SUPT16H: variants seen among roughly 807,000 people sequenced by gnomAD.
SUPT16H encodes FACT complex subunit SPT16.
SUPT16H carries 24 observed loss-of-function variants against 136.2 expected under a neutral mutation model. That is an observed-to-expected ratio of 0.18 (90% CI 0.13 to 0.25). The LOEUF is 0.25. Ranked by LOEUF, SUPT16H falls within the 10% of genes least tolerant of loss-of-function variation. The pLI is 1.00. For synonymous variants in SUPT16H, 415 were observed against 428.2 expected (o/e 0.97, Z 0.38); for missense variants, 623 against 1,270.2 (o/e 0.49, Z 7.74).
Position 21,373,396 on chromosome 14 carries a change from A to G in SUPT16H, c.101T>C (p.Ile34Thr). The G allele has an allele frequency of 6.2e-7, 1 of 1,614,134 alleles. No individual in the cohort carries two copies. Among genetic ancestry groups the G allele is most frequent in the Non-Finnish European group, 8.5e-7 (1 of 1,179,970 alleles). Residue 34 changes from isoleucine (I) to threonine (T), a missense_variant, in exon 2 of 26, where the codon ATT becomes ACT. By Grantham distance (89) the Ile-to-Thr change is moderately conservative (BLOSUM62 -1). This residue lies in a region of SUPT16H where 343 missense variants were observed against 525.7 expected (regional missense o/e 0.65). Coordinates refer to ENST00000216297, the MANE Select transcript of SUPT16H (RefSeq NM_007192.4). Reference protein sequence around the residue: ...GEDEYANVDAIVVSVGVDEEI... With the variant: ...GEDEYANVDATVVSVGVDEEI... ...TTCATCAACACCCACTGATACAACA[A>G]TGGCATCAACGTTGGCATACTCATC...
intron 1 of SUPT16H, among the ~76,000 whole-genome samples, chr14:21,382,726 TA>T (rs531101068): frequency 9.2e-5 from 14 of 152,100 alleles, no homozygotes; most frequent in Admixed American, 2.0e-4. Flanking sequence ...ATCAAAAAAT[TA>T]AAAAAAATAA....
chr14:21,368,170 CG>C, intron 7 of SUPT16H, 98 bp downstream of exon 7: 1 of 1,251,886 alleles, frequency 8.0e-7, no homozygotes, highest in Non-Finnish European at 1.1e-6. Flanking sequence ...CCTCCTGCCT[CG>C]GCCTCCCAGT....
chr14:21,361,231 C>T lies in SUPT16H; in HGVS notation c.1794-18G>A. ...GGTATGTACTGCAGAAAAGCAACAG[C>T]ATTTATAGACATTTCTTTTTCAGGC... On this transcript the variant is annotated intron_variant, in intron 15 of 25. Transcript: ENST00000216297. 2 of 1,603,380 alleles carry T rather than the reference C, an allele frequency of 1.2e-6. No individual in the cohort carries two copies. The highest frequency in any genetic ancestry group is 1.7e-6 in the Non-Finnish European group (2 of 1,174,258).
At chr14:21,365,949 A>G (rs1886657256) in intron 8 of SUPT16H, among the ~76,000 whole-genome samples, 1 of 152,136 alleles carries the variant, frequency 6.6e-6, no homozygotes. Flanking sequence ...CAAAAAATAA[A>G]AAAATGAGCT....
At chr14:21,355,222 C>T (rs893494784) in intron 22 of SUPT16H, among the ~76,000 whole-genome samples, 14 of 152,032 alleles carry the variant, frequency 9.2e-5, no homozygotes, top group African/African-American at 2.9e-4. Context: ...CAGCCGGGTG[C>T]GGTGGCTCAC....
intron 1 of SUPT16H, 109 bp from the exon 2 acceptor site, chr14:21,373,539 A>G: frequency 1.2e-6 from 1 of 858,302 alleles, no homozygotes; most frequent in Non-Finnish European, 2.0e-6. Flanking sequence ...AGAAATTTCA[A>G]GTTTAAGGTA....
At chr14:21,378,018 C>A (rs1284854747) in intron 1 of SUPT16H, among the ~76,000 whole-genome samples, 3 of 152,100 alleles carry the variant, frequency 2.0e-5, no homozygotes, top group Non-Finnish European at 4.4e-5. Flanking sequence ...ATTGCAAAGT[C>A]CCGAGGTTCA....
chr14:21,368,440 C>A lies in SUPT16H; in HGVS notation c.784G>T (p.Asp262Tyr). The A allele has an allele frequency of 6.3e-7, 1 of 1,590,992 alleles. No homozygotes were observed. Among genetic ancestry groups the A allele is most frequent in the South Asian group, 1.1e-5 (1 of 87,298 alleles). Residue 262 changes from aspartate (D) to tyrosine (Y), a missense_variant and splice_region_variant, in exon 7 of 26, where the codon GAC becomes TAC. Physicochemically the swap from Asp to Tyr is radical, Grantham distance 160 (BLOSUM62 -3). This residue lies in a region of SUPT16H where 343 missense variants were observed against 525.7 expected (regional missense o/e 0.65). Transcript: ENST00000216297. ...GCCCCAAAGTGCATATGATTCTTGT[C>A]ACTAGAGACCAACAAAGAAAGAAAA... The part of the protein sequence containing the change: ...NYNLKFSVVS[D>Y]KNHMHFGAIT...
chr14:21,365,009 A>T, intron 9 of SUPT16H, 61 bp downstream of exon 9: 1 of 1,607,806 alleles, frequency 6.2e-7, no homozygotes, highest in East Asian at 2.2e-5. Flanking sequence ...TATGCCTAAA[A>T]GAAAATAAAG....
intron 22 of SUPT16H, among the ~76,000 whole-genome samples, chr14:21,356,222 CTT>C (rs1886430322): frequency 8.1e-6 from 1 of 124,174 alleles, no homozygotes; most frequent in Non-Finnish European, 1.8e-5. Flanking sequence ...CCCCTCAAGT[CTT>C]TGGTGGAGGG....
At chr14:21,358,199 A>G (rs1886475913) in intron 20 of SUPT16H, 116 bp downstream of exon 20, 2 of 827,044 alleles carry the variant, frequency 2.4e-6, no homozygotes, top group East Asian at 2.7e-5. Context: ...TGTCTCAAAG[A>G]TTATTAGTCA....
chr14:21,362,967 C>A lies in SUPT16H; in HGVS notation c.1512-20G>T. On this transcript the variant is annotated intron_variant, in intron 13 of 25. Coordinates refer to ENST00000216297, the MANE Select transcript of SUPT16H (RefSeq NM_007192.4). Reference sequence around the variant, plus strand: ...CGAGCTCTGGAGTGGGATAAAAAAACAACTGAGAAATTTCTGCAGTCCCAC... The same window carrying A: ...CGAGCTCTGGAGTGGGATAAAAAAAAAACTGAGAAATTTCTGCAGTCCCAC... 6.2e-7 allele frequency: 1 copy of A among 1,613,100 alleles called. No homozygotes were observed. The highest frequency in any genetic ancestry group is 1.7e-4 in the Middle Eastern group (1 of 6,060).
chr14:21,353,642 T>C (rs1437124689), intron 24 of SUPT16H, 61 bp downstream of exon 24: 2 of 1,603,286 alleles, frequency 1.2e-6, no homozygotes, highest in African/African-American at 1.3e-5. Context: ...CTAAAAAAAG[T>C]AGTTTTCAGA....
chr14:21,372,004 A>C lies in SUPT16H; in HGVS notation c.200T>G (p.Val67Gly). The C allele has an allele frequency of 6.2e-7, 1 of 1,614,060 alleles. No individual in the cohort carries two copies. Among genetic ancestry groups the C allele is most frequent in the Non-Finnish European group, 8.5e-7 (1 of 1,180,014 alleles). Reference protein sequence around the residue: ...FGYELTDTIMVFCDDKIIFMA... With the variant: ...FGYELTDTIMGFCDDKIIFMA... ...AAAGATGATTTTGTCATCACAAAAG[A>C]CCATGATAGTATCAGTTAGTTCATA... The change falls in exon 3 of 26, where the codon GTC (valine) becomes GGC (glycine). Residue 67 changes from valine to glycine, a missense_variant. Coordinates refer to ENST00000216297, the MANE Select transcript of SUPT16H (RefSeq NM_007192.4).
rs756854919 is a variant in SUPT16H at position 21,353,864 on chromosome 14, T to G, written c.2791-32A>C. ...AGTTAGAGCATAATACTGATTTTTT[T>G]TTGACATTTACCTTATTAACTTAAT... is the stretch of plus-strand genomic sequence containing the variant. On this transcript the variant is annotated intron_variant, in intron 23 of 25. Transcript: ENST00000216297. The G allele has an allele frequency of 2.5e-6, 4 of 1,590,358 alleles. No individual in the cohort carries two copies. In the Admixed American group the frequency reaches 7.3e-5, roughly 29 times the overall value.
At chr14:21,373,256 G>C in intron 2 of SUPT16H, 82 bp downstream of exon 2, 1 of 1,163,760 alleles carries the variant, frequency 8.6e-7, no homozygotes, top group South Asian at 1.2e-5. Flanking sequence ...AGGAATTTAA[G>C]TTTTAATGTG....
rs146280926 is a variant in SUPT16H, at chr14:21,354,534, G to A, written c.2667C>T (p.Cys889=). ...LDPIKEWLNS[C]DLKYTEGVQS... ...GTACTCCTTCTGTGTATTTCAGGTC[G>A]CAGGAACTAAGAGAAATGACATGAC... The change falls in exon 23 of 26, where the codon TGC becomes TGT. Residue 889 remains cysteine, a synonymous_variant. Transcript: ENST00000216297. 65 of 1,612,980 alleles carry A rather than the reference G, an allele frequency of 4.0e-5. No individual in the cohort carries two copies. The African/African-American group carries it at 6.1e-4, about 15-fold the overall frequency.
chr14:21,376,966 G>A (rs1023898076), intron 1 of SUPT16H, among the ~76,000 whole-genome samples: 15 of 151,802 alleles, frequency 9.9e-5, no homozygotes, highest in Non-Finnish European at 1.3e-4. Context: ...CCAGCTACTC[G>A]GGAGGCTGAG....
chr14:21,369,649 C>T lies in SUPT16H; in HGVS notation c.630+101G>A, dbSNP rs944301798. The T allele has an allele frequency of 2.7e-6, 4 of 1,460,970 alleles. No homozygotes were observed. The Middle Eastern group carries it at 7.4e-4, about 269-fold the overall frequency. 90.5% of individuals were successfully genotyped at this position (1,460,970 alleles called of 1,614,324 possible). ...AATTACCACCAACTTAAGTGTCAGT[C>T]TTAATTTCAAAGGAAGCTGAAGAAC... On this transcript the variant is annotated intron_variant, in intron 5 of 25. Coordinates refer to ENST00000216297, the MANE Select transcript of SUPT16H (RefSeq NM_007192.4).
Sources: gnomAD v4.1 joint callset for allele counts (sites outside exome capture counted in the v4.1 genomes callset) on GRCh38, gnomAD v4.1.1 for gene constraint, gnomAD v4.1.1 regional missense constraint, MANE v1.5 for transcripts, NCBI Gene and HGNC (gene_info 2026-07-23, HGNC 2026-07-21) for gene names.